SLC2A9: variants seen among roughly 807,000 people sequenced by gnomAD.
SLC2A9 encodes solute carrier family 2, facilitated glucose transporter member 9.
SLC2A9 carries 39 observed loss-of-function variants against 50.6 expected under a neutral mutation model. The observed-to-expected ratio is 0.77, with a 90% CI of 0.60 to 1.01. SLC2A9 has a LOEUF of 1.01. SLC2A9 is among the 50% of genes least tolerant of loss of function. The pLI, the probability that SLC2A9 is intolerant of heterozygous loss-of-function variation, is 0.00. For missense variants in SLC2A9, 686 were observed against 677.6 expected, an observed-to-expected ratio of 1.01 and a Z score of -0.14; for synonymous variants, 324 against 276.9, an observed-to-expected ratio of 1.17 and a Z score of -1.69.
rs1553813204 is a variant in SLC2A9 at position 9,799,700 on chromosome 4, CCCA to C, written n.421-462_421-460del. ...AGCTCCATTCCAATTGTACCCCCCC[CCCA>C]CCCAACTTCTACACCAGTTTTGGTG... On this transcript the variant is annotated intron_variant and non_coding_transcript_variant, in intron 3 of 3. Coordinates refer to the SLC2A9 transcript ENST00000503280. 7.1e-3 allele frequency among the ~76,000 whole-genome samples: 670 copies of C among 93,708 alleles called. 8 individuals carry two copies. The highest frequency in any genetic ancestry group is 0.025 in the African/African-American group (637 of 25,160). 61.5% of individuals were successfully genotyped at this position (93,708 alleles called of 152,430 possible).
At chr4:9,771,975 C>T (rs1352011988) in intron 1 of SLC2A9, among the ~76,000 whole-genome samples, 4 of 152,158 alleles carry the variant, frequency 2.6e-5, no homozygotes, top group African/African-American at 9.7e-5. Context: ...AGAGATGAGG[C>T]TGGACAAGCA....
At chr4:9,924,989 T>C (rs10939614) in intron 6 of SLC2A9, among the ~76,000 whole-genome samples, 114,223 of 152,136 alleles carry the variant, frequency 0.75, 44,218 homozygotes, top group African/African-American at 0.94. Context: ...TGCACACAAA[T>C]CTGTGCTGTC....
At chr4:9,929,743 TC>T (rs56806517) in intron 6 of SLC2A9, among the ~76,000 whole-genome samples, 28,975 of 152,060 alleles carry the variant, frequency 0.19, 2,968 homozygotes, top group Non-Finnish European at 0.21. Flanking sequence ...AGTATCATTT[TC>T]CCAATGTCCA....
At chr4:9,975,551 G>A (rs999478094) in intron 5 of SLC2A9, among the ~76,000 whole-genome samples, 1 of 152,164 alleles carries the variant, frequency 6.6e-6, no homozygotes, top group East Asian at 1.9e-4. Context: ...ACCACAATGA[G>A]ATACCATCTC....
intron 3 of SLC2A9, among the ~76,000 whole-genome samples, chr4:9,790,938 TC>T (rs1484578046): frequency 1.3e-5 from 2 of 152,252 alleles, no homozygotes; most frequent in Non-Finnish European, 2.9e-5. Context: ...ATCTAATTAT[TC>T]TCTAGATCTT....
chr4:10,004,591 G>C (rs544390630), intron 2 of SLC2A9, among the ~76,000 whole-genome samples: 4 of 152,366 alleles, frequency 2.6e-5, no homozygotes, highest in Admixed American at 6.5e-5. Flanking sequence ...TCATGGAGCA[G>C]AGTGTTCCTG....
At position 9,996,818 on chromosome 4, in the gene SLC2A9, T is replaced by C; in HGVS notation, c.373A>G (p.Thr125Ala). Residue 125 changes from threonine to alanine, a missense_variant, in exon 3 of 12, where the codon ACG becomes GCG. Transcript: ENST00000264784. ...TTTCCAATCATCTTCACAATTAACG[T>C]CCCCACAAGTCCACCGATGGCGAAT... is the stretch of plus-strand genomic sequence containing the variant. ...SIFAIGGLVG[T>A]LIVKMIGKVL... 4 of 1,614,008 alleles carry C rather than the reference T, an allele frequency of 2.5e-6. No homozygotes were observed. Among genetic ancestry groups the C allele is most frequent in the Non-Finnish European group, 3.4e-6 (4 of 1,179,944 alleles).
intron 10 of SLC2A9, among the ~76,000 whole-genome samples, chr4:9,860,801 C>T (rs1185021208): frequency 1.3e-5 from 2 of 152,206 alleles, no homozygotes; most frequent in African/African-American, 2.4e-5. Context: ...GGAAGTCCTC[C>T]CTGAAGCCTG....
chr4:9,914,463 A>C (rs759404687), intron 7 of SLC2A9, among the ~76,000 whole-genome samples: 1 of 152,138 alleles, frequency 6.6e-6, no homozygotes, highest in Non-Finnish European at 1.5e-5. Flanking sequence ...ACTCTCCCAC[A>C]TCTCTCACTG....
At chr4:9,929,066 C>T (rs1384252523) in intron 6 of SLC2A9, among the ~76,000 whole-genome samples, 1 of 152,196 alleles carries the variant, frequency 6.6e-6, no homozygotes, top group South Asian at 2.1e-4. Flanking sequence ...GGAGCTACAT[C>T]GTTTAATGAG....
At chr4:9,904,708 G>A (rs1195566625) in intron 8 of SLC2A9, among the ~76,000 whole-genome samples, 3 of 152,188 alleles carry the variant, frequency 2.0e-5, no homozygotes, top group Non-Finnish European at 2.9e-5. Flanking sequence ...CCACTTAGCT[G>A]GTAAATGGGT....
chr4:9,772,433 C>A (rs868274165), intron 1 of SLC2A9, among the ~76,000 whole-genome samples: 5 of 152,224 alleles, frequency 3.3e-5, no homozygotes, highest in African/African-American at 1.2e-4. Context: ...ACATGACCAG[C>A]TTTGGCTAGA....
chr4:9,941,884 A>G (rs1395652083), intron 6 of SLC2A9, 29 bp downstream of exon 6: 4 of 1,613,490 alleles, frequency 2.5e-6, no homozygotes, highest in Non-Finnish European at 3.4e-6. Context: ...CAGGGGCTGG[A>G]GCTGTGCAGG....
chr4:9,791,447 C>T (rs1232460304), intron 3 of SLC2A9, among the ~76,000 whole-genome samples: 3 of 152,102 alleles, frequency 2.0e-5, no homozygotes, highest in African/African-American at 7.2e-5. Context: ...TCAAGAAGTC[C>T]CCACCCCAAT....
At chr4:9,822,193 G>T (rs145751620), downstream of SLC2A9, among the ~76,000 whole-genome samples, 446 of 152,108 alleles carry the variant, frequency 2.9e-3, 2 homozygotes, top group African/African-American at 0.01. Flanking sequence ...CCTGGATAGA[G>T]GTTTATCAAT....
At chr4:9,914,449 G>A (rs951596006) in intron 7 of SLC2A9, among the ~76,000 whole-genome samples, 1 of 152,194 alleles carries the variant, frequency 6.6e-6, no homozygotes, top group Non-Finnish European at 1.5e-5. Flanking sequence ...AGAGGAATGA[G>A]CTGACTCTCC....
intron 1 of SLC2A9, among the ~76,000 whole-genome samples, chr4:9,771,869 G>A (rs367918999): frequency 6.6e-6 from 1 of 152,330 alleles, no homozygotes; most frequent in Admixed American, 6.5e-5. Context: ...ACAGGGGCAA[G>A]TGCAAAGGCA....
chr4:9,792,478 T>C (rs1720072693), intron 3 of SLC2A9, among the ~76,000 whole-genome samples: 1 of 152,084 alleles, frequency 6.6e-6, no homozygotes, highest in South Asian at 2.1e-4. Context: ...TAGGAGCCAC[T>C]GTGTCTGGCC....
chr4:9,949,894 T>G (rs1749905158), intron 5 of SLC2A9, among the ~76,000 whole-genome samples: 1 of 152,228 alleles, frequency 6.6e-6, no homozygotes, highest in African/African-American at 2.4e-5. Flanking sequence ...TGCTTCCTGC[T>G]TGTTTAGCAG....
Sources: gnomAD v4.1 joint callset for allele counts (sites outside exome capture counted in the v4.1 genomes callset) on GRCh38, gnomAD v4.1.1 for gene constraint, MANE v1.5 for transcripts, NCBI Gene and HGNC (gene_info 2026-07-23, HGNC 2026-07-21) for gene names.